The following TECTA variants were observed in gnomAD, a reference collection of about 807,000 sequenced individuals.
The protein encoded by TECTA is tectorin alpha.
A neutral mutation model predicts 216.8 loss-of-function variants in TECTA; 128 were observed. The observed-to-expected ratio is 0.59, with a 90% CI of 0.51 to 0.68. The LOEUF is 0.68. Among genes scored for constraint, TECTA ranks in the 30% least tolerant of loss-of-function variants. The probability of loss-of-function intolerance (pLI) is 0.00; values close to 1 mark genes in which losing one functional copy is unlikely to be tolerated. For missense variants in TECTA, 2,551 were observed against 2,786.2 expected (o/e 0.92, Z 1.90); for synonymous variants, 1,089 against 1,117.1 (o/e 0.97, Z 0.50).
In TECTA at chr11:121,160,321, A is replaced by C. The variant is rs779917588; in HGVS notation, c.4876A>C (p.Asn1626His). The stretch of plus-strand genomic sequence containing the variant: ...AGTGTGCGGTCTCTGTGGCAACTTC[A>C]ACGGGGACCTAACAGATGATTATGT... The part of the protein sequence containing the change: ...NKVCGLCGNF[N>H]GDLTDDYVTL... The change falls in exon 15 of 24, where the codon AAC (asparagine) becomes CAC (histidine). Residue 1626 changes from asparagine (N) to histidine (H), a missense_variant. Asn to His is a moderately conservative substitution (Grantham distance 68). This residue lies in a region of TECTA where 2,375 missense variants were observed against 2,563.9 expected (regional missense o/e 0.93). Coordinates refer to ENST00000392793, the MANE Select transcript of TECTA (RefSeq NM_005422.4). 2 of 1,614,188 alleles carry C rather than the reference A, an allele frequency of 1.2e-6. No individual in the cohort carries two copies. The highest frequency in any genetic ancestry group is 3.3e-5 in the Admixed American group (2 of 60,032).
intron 16 of TECTA, among the ~76,000 whole-genome samples, chr11:121,164,578 T>G (rs2135127886): frequency 6.6e-6 from 1 of 152,332 alleles, no homozygotes; most frequent in African/African-American, 2.4e-5. Context: ...GTGATGATAC[T>G]CCACATAACA....
intron 20 of TECTA, among the ~76,000 whole-genome samples, chr11:121,169,752 A>T (rs530602011): frequency 1.3e-5 from 2 of 152,210 alleles, no homozygotes; most frequent in African/African-American, 4.8e-5. Context: ...ATACATTTAC[A>T]TATTTATGGA....
Position 121,125,706 on chromosome 11 carries a change from G to A in TECTA, c.1608G>A (p.Glu536=), listed in dbSNP as rs201454777. 1.2e-6 allele frequency: 2 copies of A among 1,610,582 alleles called. No individual in the cohort carries two copies. Among genetic ancestry groups the A allele is most frequent in the Admixed American group, 3.3e-5 (2 of 59,952 alleles). ...ACAAGACAGACGGCCCTCTGTGGGA[G>A]TGTGGCACTGTCGTGGACCCCACTG... ...FLNKTDGPLW[E]CGTVVDPTAF... Residue 536 remains glutamate, a synonymous_variant, in exon 8 of 24, where the codon GAG becomes GAA. Coordinates refer to ENST00000392793, the MANE Select transcript of TECTA (RefSeq NM_005422.4).
chr11:121,127,951 C>A lies in TECTA; in HGVS notation c.1974C>A (p.Tyr658Ter). The A allele has an allele frequency of 6.2e-7, 1 of 1,614,206 alleles. No individual in the cohort carries two copies. The highest frequency in any genetic ancestry group is 8.5e-7 in the Non-Finnish European group (1 of 1,180,042). Reference protein sequence around the residue: ...HKCGCDFDGHYYTMGEFFWAT... With the variant: ...HKCGCDFDGH ...GCGGCTGCGACTTCGACGGCCACTA[C>A]TACACCATGGGGGAGTTCTTCTGGG... Residue 658 changes from tyrosine (Y) to a stop codon, truncating the protein, a stop_gained, in exon 9 of 24, where the codon TAC becomes TAA. Coordinates refer to ENST00000392793, the MANE Select transcript of TECTA (RefSeq NM_005422.4). LOFTEE classifies it high-confidence loss of function. This position sits in a 1 kb window ranked among gnomAD's most constrained non-coding sequence, Gnocchi z 5.0.
chr11:121,147,081 G>A (rs1946845317), intron 12 of TECTA, among the ~76,000 whole-genome samples: 1 of 152,108 alleles, frequency 6.6e-6, no homozygotes, highest in East Asian at 1.9e-4. Context: ...AAAACTTGTG[G>A]GGGTGGGGGG....
chr11:121,116,194 C>T (rs1455779317), intron 6 of TECTA, among the ~76,000 whole-genome samples: 1 of 152,156 alleles, frequency 6.6e-6, no homozygotes, highest in East Asian at 1.9e-4. Flanking sequence ...AGTTCCAGAG[C>T]TCATTAGGAT....
At chr11:121,177,448 C>G (rs557048177) in intron 20 of TECTA, among the ~76,000 whole-genome samples, 52 of 152,296 alleles carry the variant, frequency 3.4e-4, no homozygotes, top group Non-Finnish European at 5.6e-4. Context: ...CACTCCAGAC[C>G]CTCTTTGCCT....
Position 121,189,761 on chromosome 11 carries a change from T to C in TECTA, c.6251-3T>C. 6.2e-7 allele frequency: 1 copy of C among 1,613,602 alleles called. No homozygotes were observed. The highest frequency in any genetic ancestry group is 8.5e-7 in the Non-Finnish European group (1 of 1,179,612). On this transcript the variant is annotated splice_region_variant and splice_polypyrimidine_tract_variant and intron_variant, in intron 22 of 23. Transcript: ENST00000392793. ...GTTAATCTTCCTAACTGCTCTTTTG[T>C]AGGGCTGGACTGGTGTGAGGACAAT...
intron 20 of TECTA, among the ~76,000 whole-genome samples, chr11:121,173,725 A>G (rs1947136832): frequency 6.6e-6 from 1 of 151,796 alleles, no homozygotes; most frequent in African/African-American, 2.4e-5. Context: ...AATTCTGTGA[A>G]GAAAGTCATT....
chr11:121,127,678 C>A lies in TECTA; in HGVS notation c.1775-74C>A. The A allele has an allele frequency of 6.6e-7, 1 of 1,523,548 alleles. No individual in the cohort carries two copies. The highest frequency in any genetic ancestry group is 1.1e-5 in the South Asian group (1 of 89,266). The allele number at this position is 1,523,548 out of a possible 1,614,324, so 94.4% of individuals were successfully genotyped here. On this transcript the variant is annotated intron_variant, in intron 8 of 23. Coordinates refer to ENST00000392793, the MANE Select transcript of TECTA (RefSeq NM_005422.4). The surrounding 1 kb of genome is among the most constrained non-coding windows in gnomAD (Gnocchi z 5.0). ...TAGGAACTAAATGATCCAGGAGGAGCGTTAAGATTCTGGCGGGTTAGCACT... is the reference window on the plus strand; with the variant it reads ...TAGGAACTAAATGATCCAGGAGGAGAGTTAAGATTCTGGCGGGTTAGCACT...
chr11:121,188,050 C>G, intron 21 of TECTA, 56 bp downstream of exon 21: 1 of 1,599,300 alleles, frequency 6.3e-7, no homozygotes, highest in East Asian at 2.2e-5. Context: ...GTCTTGGTTT[C>G]CCAACATGAG....
At chr11:121,183,353 G>C (rs1947249915) in intron 20 of TECTA, among the ~76,000 whole-genome samples, 1 of 152,088 alleles carries the variant, frequency 6.6e-6, no homozygotes, top group Non-Finnish European at 1.5e-5. Flanking sequence ...CTCCTTCTCT[G>C]GAACAATACT....
chr11:121,187,594 G>C (rs1000819981), intron 20 of TECTA, among the ~76,000 whole-genome samples: 1 of 149,314 alleles, frequency 6.7e-6, no homozygotes, highest in South Asian at 2.4e-4. Context: ...TTTGTTTTTA[G>C]TTGCAGTTAG....
At chr11:121,156,246 C>T (rs1001250902) in intron 13 of TECTA, among the ~76,000 whole-genome samples, 12 of 152,320 alleles carry the variant, frequency 7.9e-5, no homozygotes, top group Admixed American at 2.0e-4. Context: ...AGGATCACAA[C>T]TCACTGCAGC....
chr11:121,118,017 A>T (rs1370246721), intron 6 of TECTA, among the ~76,000 whole-genome samples: 1 of 152,136 alleles, frequency 6.6e-6, no homozygotes, highest in African/African-American at 2.4e-5. Flanking sequence ...CTTGAATGTG[A>T]GTTTGCTCAC....
intron 10 of TECTA, among the ~76,000 whole-genome samples, chr11:121,133,229 G>T (rs1946692424): frequency 6.6e-6 from 1 of 151,966 alleles, no homozygotes; most frequent in African/African-American, 2.4e-5. Flanking sequence ...CCCTTTCCCT[G>T]TCTCTTCCTT....
At chr11:121,190,068 C>CA (rs1240055240) in intron 23 of TECTA, 188 bp downstream of exon 23, 187 of 603,182 alleles carry the variant, frequency 3.1e-4, no homozygotes, top group Non-Finnish European at 2.1e-4. Flanking sequence ...AAACAAACAA[C>CA]AACAACAAAA....
Position 121,125,726 on chromosome 11 carries a change from C to T in TECTA, c.1628C>T (p.Pro543Leu). ...TGGGAGTGTGGCACTGTCGTGGACC[C>T]CACTGCTTTTGTGCACAGCTGCGTG... ...PLWECGTVVD[P>L]TAFVHSCVYD... The change falls in exon 8 of 24, where the codon CCC becomes CTC. Residue 543 changes from proline to leucine, a missense_variant. By Grantham distance (98) the Pro-to-Leu change is moderately conservative (BLOSUM62 -3). This residue lies in a region of TECTA where 2,375 missense variants were observed against 2,563.9 expected (regional missense o/e 0.93). Coordinates refer to ENST00000392793, the MANE Select transcript of TECTA (RefSeq NM_005422.4). 6.2e-7 allele frequency: 1 copy of T among 1,613,484 alleles called. No individual in the cohort carries two copies. The highest frequency in any genetic ancestry group is 1.7e-4 in the Middle Eastern group (1 of 6,058).
chr11:121,186,786 T>C (rs1947292631), intron 20 of TECTA, among the ~76,000 whole-genome samples: 1 of 152,236 alleles, frequency 6.6e-6, no homozygotes, highest in Admixed American at 6.5e-5. Context: ...TCCTGTGGAC[T>C]AGGGAAAGGA....
Sources: allele counts gnomAD v4.1 joint callset (sites outside exome capture counted in the v4.1 genomes callset), GRCh38; gene constraint gnomAD v4.1.1; regional missense constraint gnomAD v4.1.1; non-coding constraint Gnocchi (gnomAD v3.1); transcripts MANE v1.5; gene names NCBI Gene and HGNC (gene_info 2026-07-23, HGNC 2026-07-21).